Variants in LPCAT2 observed in about 807,000 individuals in gnomAD.
LPCAT2 encodes lysophosphatidylcholine acyltransferase 2.
LPCAT2 carries 58 observed loss-of-function variants against 64.7 expected under a neutral mutation model. The ratio of observed to expected loss-of-function variants is 0.90; its 90% confidence interval spans 0.73 to 1.12. The LOEUF (loss-of-function observed/expected upper bound fraction) is 1.12, where lower values mean the gene tolerates loss of function less well. Ranked by LOEUF, LPCAT2 falls within the 50% of genes most tolerant of loss-of-function variation. The pLI, the probability that LPCAT2 is intolerant of heterozygous loss-of-function variation, is 0.00. For synonymous variants in LPCAT2, 252 were observed against 245.3 expected, an observed-to-expected ratio of 1.03 and a Z score of -0.26; for missense variants, 579 against 669.8, an observed-to-expected ratio of 0.86 and a Z score of 1.50.
chr16:55,543,657 G>T (rs1963421324), intron 8 of LPCAT2, among the ~76,000 whole-genome samples: 1 of 151,844 alleles, frequency 6.6e-6, no homozygotes, highest in Admixed American at 6.6e-5. Flanking sequence ...AAGGATGTGG[G>T]GACCTCTGGT....
chr16:55,546,385 A>G (rs1156260309), intron 9 of LPCAT2, among the ~76,000 whole-genome samples: 1 of 152,184 alleles, frequency 6.6e-6, no homozygotes, highest in Non-Finnish European at 1.5e-5. Context: ...AGAATGTATT[A>G]TACTATACCA....
chr16:55,585,589 T>C lies in LPCAT2; in HGVS notation c.*2491T>C, dbSNP rs1326635570. ...ACTCTTTGAAGTGAGAAATATTATA[T>C]CCTAAAACCTCTAAACCACAAACAT... On this transcript the variant is annotated 3_prime_UTR_variant, in exon 14 of 14. Transcript: ENST00000262134. 6.6e-6 allele frequency: 1 copy of C among 152,216 alleles called. No individual in the cohort carries two copies. Among genetic ancestry groups the C allele is most frequent in the Non-Finnish European group, 1.5e-5 (1 of 68,036 alleles). The allele number at this position is 152,216 out of a possible 1,614,324, so 9.4% of individuals were successfully genotyped here.
At chr16:55,568,712 C>G (rs954231532) in intron 11 of LPCAT2, among the ~76,000 whole-genome samples, 3 of 152,140 alleles carry the variant, frequency 2.0e-5, no homozygotes, top group Admixed American at 6.5e-5. Context: ...ATTTTTCAAG[C>G]CTGTCTCAGC....
At chr16:55,520,904 A>T (rs1191505101) in intron 1 of LPCAT2, among the ~76,000 whole-genome samples, 3 of 151,894 alleles carry the variant, frequency 2.0e-5, no homozygotes, top group Admixed American at 6.5e-5. Context: ...AAGAAGAAAG[A>T]TTTAAAATTA....
chr16:55,524,040 A>C (rs925641808), intron 1 of LPCAT2, among the ~76,000 whole-genome samples: 7 of 151,980 alleles, frequency 4.6e-5, no homozygotes, highest in African/African-American at 1.7e-4. Context: ...GTTTATTATA[A>C]AGTTAAATAA....
At chr16:55,577,211 T>G (rs1963837312) in intron 12 of LPCAT2, among the ~76,000 whole-genome samples, 1 of 152,240 alleles carries the variant, frequency 6.6e-6, no homozygotes, top group Non-Finnish European at 1.5e-5. Flanking sequence ...GAGCTTTGTC[T>G]GCTGGGGCAA....
At chr16:55,543,626 A>G (rs1200892704) in intron 8 of LPCAT2, among the ~76,000 whole-genome samples, 1 of 152,150 alleles carries the variant, frequency 6.6e-6, no homozygotes, top group East Asian at 1.9e-4. Flanking sequence ...TTCTTTGCCA[A>G]GATAGTTATT....
At position 55,528,447 on chromosome 16, in the gene LPCAT2, G is replaced by A. The variant is rs61739979; in HGVS notation, c.382G>A (p.Val128Ile). Residue 128 changes from valine (V) to isoleucine (I), a missense_variant, in exon 3 of 14, where the codon GTA becomes ATA. Val to Ile is a conservative substitution (Grantham distance 29). Coordinates refer to ENST00000262134, the MANE Select transcript of LPCAT2 (RefSeq NM_017839.5). ...MFFSMGFIVA[V>I]KGKIASPLEA... ...CTTTTCAATGGGATTTATAGTTGCTGTAAAAGGAAAGATTGCAAGTCCTTT... is the reference window on the plus strand; with the variant it reads ...CTTTTCAATGGGATTTATAGTTGCTATAAAAGGAAAGATTGCAAGTCCTTT... The A allele has an allele frequency of 6.7e-3, 10,820 of 1,613,998 alleles. 72 individuals are homozygous for A. The highest frequency in any genetic ancestry group is 0.037 in the Middle Eastern group (223 of 6,056).
chr16:55,576,287 T>G (rs970579258), intron 12 of LPCAT2, among the ~76,000 whole-genome samples: 6 of 152,158 alleles, frequency 3.9e-5, no homozygotes, highest in Non-Finnish European at 8.8e-5. Context: ...TTTTGCATAC[T>G]TTTTATTTAG....
chr16:55,582,043 G>A (rs1040149927), intron 13 of LPCAT2, among the ~76,000 whole-genome samples: 2 of 151,976 alleles, frequency 1.3e-5, no homozygotes, highest in Middle Eastern at 6.8e-3. Flanking sequence ...GGGCTCAAAT[G>A]GTTTTAAAAA....
intron 11 of LPCAT2, among the ~76,000 whole-genome samples, chr16:55,573,783 T>C (rs1375414618): frequency 6.6e-6 from 1 of 152,038 alleles, no homozygotes; most frequent in Non-Finnish European, 1.5e-5. Context: ...CTCTTTCTTT[T>C]TTAGTTCTCT....
intron 4 of LPCAT2, among the ~76,000 whole-genome samples, 171 bp downstream of exon 4, chr16:55,530,118 C>T (rs1963232848): frequency 6.6e-6 from 1 of 152,062 alleles, no homozygotes; most frequent in Admixed American, 6.6e-5. Context: ...AAGTCCTCTT[C>T]CCCATGAGAT....
chr16:55,577,766 T>C (rs1963843996), intron 12 of LPCAT2, among the ~76,000 whole-genome samples: 1 of 152,098 alleles, frequency 6.6e-6, no homozygotes. Context: ...GTCTCTCCCT[T>C]CCTAAAATAA....
At chr16:55,561,111 A>G (rs1963631051) in intron 11 of LPCAT2, among the ~76,000 whole-genome samples, 1 of 152,000 alleles carries the variant, frequency 6.6e-6, no homozygotes, top group African/African-American at 2.4e-5. Flanking sequence ...CACTTAGCAT[A>G]ATGTTTTAAG....
At chr16:55,558,299 A>G (rs1377148418) in intron 11 of LPCAT2, among the ~76,000 whole-genome samples, 1 of 152,256 alleles carries the variant, frequency 6.6e-6, no homozygotes, top group African/African-American at 2.4e-5. Flanking sequence ...TTATAGCACA[A>G]TCATTTTTAC....
chr16:55,538,442 G>A (rs1471949552), intron 8 of LPCAT2: 3 of 152,120 alleles, frequency 2.0e-5, no homozygotes, highest in Non-Finnish European at 4.4e-5. Flanking sequence ...TGACAGGACT[G>A]TGGAATTTAA....
chr16:55,530,390 A>AT (rs528047630), intron 4 of LPCAT2, among the ~76,000 whole-genome samples: 72 of 151,620 alleles, frequency 4.7e-4, no homozygotes, highest in African/African-American at 1.7e-3. Context: ...CCTGAAGTAT[A>AT]TTTAGATAGT....
chr16:55,509,991 CTTTT>C (rs57496150), intron 1 of LPCAT2, among the ~76,000 whole-genome samples: 15 of 102,494 alleles, frequency 1.5e-4, no homozygotes, highest in Admixed American at 4.8e-4. Context: ...TTGAAGAAGT[CTTTT>C]TTTTTTTTTT....
intron 1 of LPCAT2, among the ~76,000 whole-genome samples, chr16:55,515,312 AG>A (rs1327767194): frequency 6.6e-6 from 1 of 152,240 alleles, no homozygotes; most frequent in Non-Finnish European, 1.5e-5. Context: ...AGAGCCACAG[AG>A]ACCACAAGGG....
Sources: gnomAD v4.1 joint callset for allele counts (sites outside exome capture counted in the v4.1 genomes callset) on GRCh38, gnomAD v4.1.1 for gene constraint, MANE v1.5 for transcripts, NCBI Gene and HGNC (gene_info 2026-07-23, HGNC 2026-07-21) for gene names.